Variants in RP1L1 observed in about 807,000 individuals in gnomAD.
RP1L1 encodes retinitis pigmentosa 1-like 1 protein.
A neutral mutation model predicts 15.7 loss-of-function variants in RP1L1; 27 were observed. That is an observed-to-expected ratio of 1.72 (90% CI 1.27 to 2.38). RP1L1 has a LOEUF of 2.38. Among genes scored for constraint, RP1L1 ranks in the 30% most tolerant of loss-of-function variants. The pLI is 0.00. For missense variants in RP1L1, 4,798 were observed against 3,075.9 expected (o/e 1.56, Z -13.24); for synonymous variants, 1,813 against 1,276.7 (o/e 1.42, Z -8.96).
At position 10,611,105 on chromosome 8, in the gene RP1L1, T is replaced by C. The variant is rs1441259924; in HGVS notation, c.2993A>G (p.His998Arg). Residue 998 changes from histidine (H) to arginine (R), a missense_variant, in exon 4 of 4, where the codon CAT becomes CGT. His to Arg is a conservative substitution (Grantham distance 29). Coordinates refer to ENST00000382483, the MANE Select transcript of RP1L1 (RefSeq NM_178857.6). ...RGPEVDPGDD[H>R]SLEGLGEPAQ... ...TGGCTCCCCCAGGCCTTCCAGAGAATGGTCATCCCCAGGGTCCACCTCGGG... is the reference window on the plus strand; with the variant it reads ...TGGCTCCCCCAGGCCTTCCAGAGAACGGTCATCCCCAGGGTCCACCTCGGG... 3.1e-6 allele frequency: 5 copies of C among 1,612,872 alleles called. No individual in the cohort carries two copies. Among genetic ancestry groups the C allele is most frequent in the Admixed American group, 3.3e-5 (2 of 60,028 alleles).
At position 10,608,229 on chromosome 8, in the gene RP1L1, C is replaced by G; in HGVS notation, c.5869G>C (p.Glu1957Gln). ...AQEAEGQTQPESEVIESQEAE... is the reference protein window; with the variant it reads ...AQEAEGQTQPQSEVIESQEAE... ...TCCTGGGACTCTATAACTTCTGACT[C>G]TGGCTGGGTCTGCCCTTCTGCCTCC... is the stretch of plus-strand genomic sequence containing the variant. Residue 1957 changes from glutamate to glutamine, a missense_variant, in exon 4 of 4, where the codon GAG becomes CAG. Glu to Gln is a conservative substitution (Grantham distance 29, BLOSUM62 2). Coordinates refer to ENST00000382483, the MANE Select transcript of RP1L1 (RefSeq NM_178857.6). 3 of 1,566,712 alleles carry G rather than the reference C, an allele frequency of 1.9e-6. No homozygotes were observed. The highest frequency in any genetic ancestry group is 2.3e-5 in the East Asian group (1 of 43,370).
Position 10,613,387 on chromosome 8 carries a change from G to A in RP1L1, c.752-41C>T. 5.6e-6 allele frequency: 9 copies of A among 1,598,490 alleles called. No individual in the cohort carries two copies. The South Asian group carries it at 9.9e-5, about 18-fold the overall frequency. The stretch of plus-strand genomic sequence containing the variant: ...GAGGAAAAGAAAAGAAGAAAAGACT[G>A]TGAGCCATGGGGGCAGCATCAGGAT... On this transcript the variant is annotated intron_variant, in intron 3 of 3. Transcript: ENST00000382483.
rs1563122670 is a variant in RP1L1 at position 10,610,137 on chromosome 8, G to GCACCCCCTCTTCTTGCAGCCCTTCTTCTC, written c.3960_3961insGAGAAGAAGGGCTGCAAGAAGAGGGGGTG (p.Gln1321GlufsTer12). ...TCTTCTGTTTTAGTTTCCTCTAACT[G>GCACCCCCTCTTCTTGCAGCCCTTCTTCTC]CACCGCCTCTTCTTGCAGCCCTTCT... On this transcript the variant is annotated frameshift_variant, in exon 4 of 4. Coordinates refer to ENST00000382483, the MANE Select transcript of RP1L1 (RefSeq NM_178857.6). LOFTEE classifies it low-confidence loss of function (END_TRUNC). 1 of 1,432,080 alleles carries GCACCCCCTCTTCTTGCAGCCCTTCTTCTC rather than the reference G, an allele frequency of 7.0e-7. No individual in the cohort carries two copies. The highest frequency in any genetic ancestry group is 9.4e-7 in the Non-Finnish European group (1 of 1,061,972). 88.7% of individuals were successfully genotyped at this position (1,432,080 alleles called of 1,614,324 possible). A position where few individuals can be genotyped will look rare whatever the true frequency, so the allele number is the denominator to read the frequency against.
intron 1 of RP1L1, among the ~76,000 whole-genome samples, chr8:10,639,162 A>G (rs1798372764): frequency 2.0e-5 from 3 of 151,834 alleles, no homozygotes; most frequent in African/African-American, 7.3e-5. Context: ...AAGAAAAGAA[A>G]AGAAAAAAAG....
At chr8:10,616,937 C>A (rs1797977217) in intron 2 of RP1L1, among the ~76,000 whole-genome samples, 1 of 152,204 alleles carries the variant, frequency 6.6e-6, no homozygotes. Flanking sequence ...CCTGAAGCAG[C>A]TGGAGCAGCA....
At chr8:10,626,710 T>G (rs1798164704) in intron 1 of RP1L1, among the ~76,000 whole-genome samples, 1 of 152,188 alleles carries the variant, frequency 6.6e-6, no homozygotes, top group Non-Finnish European at 1.5e-5. Flanking sequence ...TCAGGTATAT[T>G]AACACATGGA....
intron 1 of RP1L1, among the ~76,000 whole-genome samples, chr8:10,639,799 C>T (rs898080574): frequency 4.6e-5 from 7 of 152,088 alleles, no homozygotes; most frequent in Admixed American, 1.3e-4. Flanking sequence ...AATCCCCACA[C>T]GACAAATTTG....
At position 10,623,036 on chromosome 8, in the gene RP1L1, G is replaced by A. The variant is rs150931842; in HGVS notation, c.166C>T (p.Arg56Cys). 2.7e-3 allele frequency: 4,342 copies of A among 1,614,140 alleles called. 159 individuals carry two copies. In the Admixed American group the frequency reaches 0.066, roughly 24 times the overall value. The change falls in exon 2 of 4, where the codon CGC becomes TGC. Residue 56 changes from arginine (R) to cysteine (C), a missense_variant. By Grantham distance (180) the Arg-to-Cys change is radical. Transcript: ENST00000382483. Reference protein sequence around the residue: ...FAGVRLAVHQRAFKTFSALMD... With the variant: ...FAGVRLAVHQCAFKTFSALMD... ...AGGGCGCTGAAGGTCTTAAAGGCGC[G>A]CTGGTGAACGGCCAGGCGGACCCCA...
At chr8:10,635,792 T>A (rs1279360678) in intron 1 of RP1L1, among the ~76,000 whole-genome samples, 1 of 152,244 alleles carries the variant, frequency 6.6e-6, no homozygotes, top group Non-Finnish European at 1.5e-5. Flanking sequence ...GATTTGGAAC[T>A]AATCCAAGAT....
rs1797704952 is a variant in RP1L1 at position 10,606,570 on chromosome 8, T to G, written c.*325A>C. The stretch of plus-strand genomic sequence containing the variant: ...AGAAAACAAACCCACAAACAAAAGC[T>G]AAACTGGAGCCTTTCCAATCAGTTC... On this transcript the variant is annotated 3_prime_UTR_variant, in exon 4 of 4. Coordinates refer to ENST00000382483, the MANE Select transcript of RP1L1 (RefSeq NM_178857.6). 1 of 340,402 alleles carries G rather than the reference T, an allele frequency of 2.9e-6. No homozygotes were observed. Among genetic ancestry groups the G allele is most frequent in the Non-Finnish European group, 5.4e-6 (1 of 185,516 alleles). The allele number at this position is 340,402 out of a possible 1,614,324, so 21.1% of individuals were successfully genotyped here. A position where few individuals can be genotyped will look rare whatever the true frequency, so the allele number is the denominator to read the frequency against.
Position 10,649,512 on chromosome 8 carries a change from C to T in RP1L1, c.-20+5386G>A, listed in dbSNP as rs1229467310. Among the ~76,000 whole-genome samples the T allele has an allele frequency of 1.3e-5, 2 of 152,186 alleles. 1 individual carries two copies. The highest frequency in any genetic ancestry group is 3.9e-4 in the East Asian group (2 of 5,192). ...CTGCCCCAGCCAGGACAGGAGGCTG[C>T]TCGATGGTGGGTTGCTGTCCCTGGC... On this transcript the variant is annotated intron_variant, in intron 1 of 3. Coordinates refer to ENST00000382483, the MANE Select transcript of RP1L1 (RefSeq NM_178857.6).
In RP1L1 at chr8:10,607,097, G is replaced by C. The variant is rs778185172; in HGVS notation, c.7001C>G (p.Pro2334Arg). 2 of 1,614,094 alleles carry C rather than the reference G, an allele frequency of 1.2e-6. No homozygotes were observed. The highest frequency in any genetic ancestry group is 1.3e-5 in the African/African-American group (1 of 74,914). Reference sequence around the variant, plus strand: ...CCTGGTGGCCTTCCTCTCTGCATGAGGGGTCCCCGTGGACTTGGCATCAGG... The same window carrying C: ...CCTGGTGGCCTTCCTCTCTGCATGACGGGTCCCCGTGGACTTGGCATCAGG... The part of the protein sequence containing the change: ...RSPDAKSTGT[P>R]HAERKATRMY... The change falls in exon 4 of 4, where the codon CCT becomes CGT. Residue 2334 changes from proline to arginine, a missense_variant. Transcript: ENST00000382483.
In RP1L1 at chr8:10,609,351, C is replaced by A. The variant is rs766800284; in HGVS notation, c.4747G>T (p.Ala1583Ser). 6.2e-7 allele frequency: 1 copy of A among 1,612,438 alleles called. No individual in the cohort carries two copies. The highest frequency in any genetic ancestry group is 1.7e-5 in the Admixed American group (1 of 60,014). The change falls in exon 4 of 4, where the codon GCG becomes TCG. Residue 1583 changes from alanine (A) to serine (S), a missense_variant. Transcript: ENST00000382483. Reference protein sequence around the residue: ...KRELQKLQGRAGRMVLEPPRE... With the variant: ...KRELQKLQGRSGRMVLEPPRE... ...GGAGGCTCCAGCACCATCCTACCCGCCCGGCCCTGGAGCTTCTGGAGCTCT... is the reference window on the plus strand; with the variant it reads ...GGAGGCTCCAGCACCATCCTACCCGACCGGCCCTGGAGCTTCTGGAGCTCT...
In RP1L1 at chr8:10,608,394, C is replaced by A; in HGVS notation, c.5704G>T (p.Glu1902Ter). Residue 1902 changes from glutamate to a stop codon, truncating the protein, a stop_gained, in exon 4 of 4, where the codon GAG becomes TAG. Transcript: ENST00000382483. LOFTEE classifies it low-confidence loss of function (END_TRUNC). Reference protein sequence around the residue: ...TPEAEWEVQPESEGAEAPEAE... With the variant: ...TPEAEWEVQP The stretch of plus-strand genomic sequence containing the variant: ...TCCGGGGCTTCTGCACCTTCTGACT[C>A]TGGCTGGACCTCCCATTCTGCCTCT... 6.2e-7 allele frequency: 1 copy of A among 1,613,480 alleles called. No homozygotes were observed. The highest frequency in any genetic ancestry group is 1.3e-5 in the African/African-American group (1 of 74,856).
Position 10,612,909 on chromosome 8 carries a change from G to A in RP1L1, c.1189C>T (p.Arg397Ter), listed in dbSNP as rs371886218. The change falls in exon 4 of 4, where the codon CGA becomes TGA. Residue 397 changes from arginine to a stop codon, truncating the protein, a stop_gained. Coordinates refer to ENST00000382483, the MANE Select transcript of RP1L1 (RefSeq NM_178857.6). LOFTEE classifies it low-confidence loss of function (END_TRUNC). Reference protein sequence around the residue: ...CRVGCREVFGRGGQPGPKYEI... With the variant: ...CRVGCREVFG The stretch of plus-strand genomic sequence containing the variant: ...TACTTGGGCCCTGGCTGCCCGCCTC[G>A]GCCAAAGACTTCCCTGCATCCCACC... 4.3e-5 allele frequency: 69 copies of A among 1,612,472 alleles called. No individual in the cohort carries two copies. Among genetic ancestry groups the A allele is most frequent in the Admixed American group, 1.0e-4 (6 of 59,980 alleles).
At chr8:10,627,674 AG>A (rs2117235576) in intron 1 of RP1L1, among the ~76,000 whole-genome samples, 1 of 151,834 alleles carries the variant, frequency 6.6e-6, no homozygotes, top group African/African-American at 2.4e-5. Flanking sequence ...AATATTTAAA[AG>A]GAGGGGGTGG....
At chr8:10,627,186 C>T (rs1217557855) in intron 1 of RP1L1, among the ~76,000 whole-genome samples, 6 of 152,116 alleles carry the variant, frequency 3.9e-5, no homozygotes, top group Non-Finnish European at 5.9e-5. Context: ...TGTACACCCA[C>T]GTTCATTGCA....
At chr8:10,625,553 A>T (rs1042477535) in intron 1 of RP1L1, among the ~76,000 whole-genome samples, 3 of 152,026 alleles carry the variant, frequency 2.0e-5, no homozygotes, top group Non-Finnish European at 4.4e-5. Context: ...GAGGTGTGAG[A>T]TGCTCCATAG....
At chr8:10,617,328 T>A (rs1052865166) in intron 2 of RP1L1, among the ~76,000 whole-genome samples, 2 of 148,358 alleles carry the variant, frequency 1.3e-5, no homozygotes, top group East Asian at 4.0e-4. Flanking sequence ...GAATGGGGAA[T>A]GTATTTCCAT....
Sources: allele counts gnomAD v4.1 joint callset (sites outside exome capture counted in the v4.1 genomes callset), GRCh38; gene constraint gnomAD v4.1.1; transcripts MANE v1.5; gene names NCBI Gene and HGNC (gene_info 2026-07-23, HGNC 2026-07-21).